Variants in SPSB1 observed in about 807,000 individuals in gnomAD.
SPSB1 encodes SPRY domain-containing SOCS box protein 1.
In SPSB1, 8 loss-of-function variants were observed where a neutral mutation model predicts 21.2. That is an observed-to-expected ratio of 0.38 (90% confidence interval 0.22 to 0.68). The LOEUF is 0.68. Ranked by LOEUF, SPSB1 falls within the 30% of genes least tolerant of loss-of-function variation. The pLI is 0.53. For missense variants in SPSB1, 242 were observed against 377.8 expected, an observed-to-expected ratio of 0.64 and a Z score of 2.98; for synonymous variants, 169 against 161.7, an observed-to-expected ratio of 1.05 and a Z score of -0.34.
At chr1:9,316,899 G>A (rs898078326) in intron 1 of SPSB1, among the ~76,000 whole-genome samples, 2 of 152,154 alleles carry the variant, frequency 1.3e-5, no homozygotes, top group African/African-American at 4.8e-5. Flanking sequence ...TGTGAAATGC[G>A]GGTATAAGAG....
At chr1:9,366,789 GT>G (rs1640579332) in intron 2 of SPSB1, among the ~76,000 whole-genome samples, 1 of 152,142 alleles carries the variant, frequency 6.6e-6, no homozygotes, top group African/African-American at 2.4e-5. Flanking sequence ...GGCCAGGCTG[GT>G]CTTGAACTCC....
chr1:9,342,471 G>A (rs1210872948), intron 1 of SPSB1, among the ~76,000 whole-genome samples: 1 of 152,222 alleles, frequency 6.6e-6, no homozygotes, highest in Non-Finnish European at 1.5e-5. Context: ...TCAATTCGCT[G>A]ATAGCAGAAG....
rs979703466 is a variant in SPSB1 at position 9,324,379 on chromosome 1, C to T, written c.-150+31308C>T. Among the ~76,000 whole-genome samples the T allele has an allele frequency of 8.5e-5, 13 of 152,160 alleles. No homozygotes were observed. The highest frequency in any genetic ancestry group is 3.1e-4 in the African/African-American group (13 of 41,426). On this transcript the variant is annotated intron_variant, in intron 1 of 2. Transcript: ENST00000328089. This position sits in a 1 kb window ranked among gnomAD's most constrained non-coding sequence, Gnocchi z 4.3. ...TGAGTTCTGCTGCGATCCTGTGGCT[C>T]AGCACGTGGTAGGTCCTCAGTGAGG...
chr1:9,357,807 G>A (rs1640397816), intron 2 of SPSB1, among the ~76,000 whole-genome samples: 2 of 152,200 alleles, frequency 1.3e-5, no homozygotes, highest in African/African-American at 4.8e-5. Context: ...GTGGTAGCAG[G>A]AGGGCCTGGC....
intron 1 of SPSB1, among the ~76,000 whole-genome samples, chr1:9,339,991 A>G (rs1199107547): frequency 1.5e-5 from 2 of 131,338 alleles, no homozygotes; most frequent in African/African-American, 5.2e-5. Context: ...GAGGACCCCC[A>G]CCGACAGCCC....
intron 1 of SPSB1, among the ~76,000 whole-genome samples, chr1:9,310,450 T>G (rs539763132): frequency 6.6e-6 from 1 of 152,158 alleles, no homozygotes; most frequent in East Asian, 1.9e-4. Flanking sequence ...CCCAGCACTT[T>G]GGGAGGCCGA....
chr1:9,359,593 T>G (rs1467260546), intron 2 of SPSB1, among the ~76,000 whole-genome samples: 1 of 151,382 alleles, frequency 6.6e-6, no homozygotes, highest in Non-Finnish European at 1.5e-5. Flanking sequence ...TCCCAGCTAC[T>G]TGGGAGGCTG....
chr1:9,298,893 A>G (rs1421221933), intron 1 of SPSB1, among the ~76,000 whole-genome samples: 1 of 152,238 alleles, frequency 6.6e-6, no homozygotes, highest in Non-Finnish European at 1.5e-5. Flanking sequence ...GGGAAAGGCC[A>G]AGTGGAAACC....
chr1:9,367,743 T>A lies in SPSB1; in HGVS notation c.*168T>A, dbSNP rs552494328. The A allele has an allele frequency of 6.3e-4, 649 of 1,023,364 alleles. No individual in the cohort carries two copies. The highest frequency in any genetic ancestry group is 8.5e-4 in the Non-Finnish European group (618 of 725,222). The allele number at this position is 1,023,364 out of a possible 1,614,324, so 63.4% of individuals were successfully genotyped here. A position where few individuals can be genotyped will look rare whatever the true frequency, so the allele number is the denominator to read the frequency against. ...GCTGCCTCCATGGGACAAGGACCGATTCCAACACAGGCTCCTCTTTCCCCC... is the reference window on the plus strand; with the variant it reads ...GCTGCCTCCATGGGACAAGGACCGAATCCAACACAGGCTCCTCTTTCCCCC... On this transcript the variant is annotated 3_prime_UTR_variant, in exon 3 of 3. Coordinates refer to ENST00000328089, the MANE Select transcript of SPSB1 (RefSeq NM_025106.4). This position sits in a 1 kb window ranked among gnomAD's most constrained non-coding sequence, Gnocchi z 5.9.
intron 1 of SPSB1, among the ~76,000 whole-genome samples, chr1:9,306,977 G>C (rs971656589): frequency 6.6e-6 from 1 of 150,394 alleles, no homozygotes; most frequent in African/African-American, 2.5e-5. Flanking sequence ...ATTCAGGCTA[G>C]GGTGCAGCGG....
Position 9,293,054 on chromosome 1 carries a change from G to C in SPSB1, c.-167G>C. On this transcript the variant is annotated 5_prime_UTR_variant, in exon 1 of 3. Coordinates refer to ENST00000328089, the MANE Select transcript of SPSB1 (RefSeq NM_025106.4). The surrounding 1 kb of genome is among the most constrained non-coding windows in gnomAD (Gnocchi z 5.1). The stretch of plus-strand genomic sequence containing the variant: ...CTCGGCCTTGGAGAGCAGCGGCGGC[G>C]GCGGCACCCCGGGCGCGGTAGGCGG... The C allele has an allele frequency of 1.0e-6, 1 of 980,946 alleles. No homozygotes were observed. The allele number at this position is 980,946 out of a possible 1,614,324, so 60.8% of individuals were successfully genotyped here.
intron 1 of SPSB1, among the ~76,000 whole-genome samples, chr1:9,311,458 A>G (rs1418380919): frequency 1.3e-5 from 2 of 151,910 alleles, no homozygotes. Context: ...TACCCACACC[A>G]CCCAGCACCA....
At chr1:9,357,730 G>A (rs1295756365) in intron 2 of SPSB1, among the ~76,000 whole-genome samples, 1 of 152,186 alleles carries the variant, frequency 6.6e-6, no homozygotes, top group African/African-American at 2.4e-5. Flanking sequence ...TGTGAATGCA[G>A]CCCATGTGTA....
Position 9,367,660 on chromosome 1 carries a change from C to G in SPSB1, c.*85C>G. On this transcript the variant is annotated 3_prime_UTR_variant, in exon 3 of 3. Coordinates refer to ENST00000328089, the MANE Select transcript of SPSB1 (RefSeq NM_025106.4). The surrounding 1 kb of genome is among the most constrained non-coding windows in gnomAD (Gnocchi z 5.9). ...CCGCTGGGGCCGCCGCACCCTGCACCTTGGACCGGCATCCGTAGCCATGGA... is the reference window on the plus strand; with the variant it reads ...CCGCTGGGGCCGCCGCACCCTGCACGTTGGACCGGCATCCGTAGCCATGGA... 3 of 1,482,656 alleles carry G rather than the reference C, an allele frequency of 2.0e-6. No individual in the cohort carries two copies. In the South Asian group the frequency reaches 4.0e-5, roughly 20 times the overall value. 91.8% of individuals were successfully genotyped at this position (1,482,656 alleles called of 1,614,324 possible).
chr1:9,352,590 G>C (rs1022138212), intron 1 of SPSB1, among the ~76,000 whole-genome samples: 2 of 152,108 alleles, frequency 1.3e-5, no homozygotes, highest in Non-Finnish European at 2.9e-5. Context: ...GTCTCGCTGA[G>C]ACAGGCGTTC....
intron 2 of SPSB1, among the ~76,000 whole-genome samples, chr1:9,361,176 T>TTCTTTTTTTTTTTTTTTTTC (rs1196615576): frequency 7.0e-6 from 1 of 143,184 alleles, no homozygotes; most frequent in Non-Finnish European, 1.5e-5. Flanking sequence ...TTTTTTTTTT[T>TTCTTTTTTTTTTTTTTTTTC]TTTTTTTAGA....
intron 1 of SPSB1, among the ~76,000 whole-genome samples, chr1:9,355,133 G>A (rs929282972): frequency 1.3e-5 from 2 of 152,230 alleles, no homozygotes; most frequent in Admixed American, 1.3e-4. Context: ...GGCGGAGGAG[G>A]CTCCTGGTGC....
chr1:9,353,081 A>G (rs1433644125), intron 1 of SPSB1, among the ~76,000 whole-genome samples: 1 of 151,936 alleles, frequency 6.6e-6, no homozygotes, highest in African/African-American at 2.4e-5. Flanking sequence ...CAAAATTGAG[A>G]ATATGGAGAG....
At chr1:9,307,551 T>C (rs1639439975) in intron 1 of SPSB1, among the ~76,000 whole-genome samples, 1 of 152,204 alleles carries the variant, frequency 6.6e-6, no homozygotes, top group Admixed American at 6.5e-5. Flanking sequence ...GATTGAAGCA[T>C]TTCCTAAGTG....
Sources: gnomAD v4.1 joint callset for allele counts (sites outside exome capture counted in the v4.1 genomes callset) on GRCh38, gnomAD v4.1.1 for gene constraint, Gnocchi (gnomAD v3.1) non-coding constraint, MANE v1.5 for transcripts, NCBI Gene and HGNC (gene_info 2026-07-23, HGNC 2026-07-21) for gene names.